ARHGAP28: variants seen among roughly 807,000 people sequenced by gnomAD.
ARHGAP28 encodes Rho GTPase activating protein 28.
In ARHGAP28, 56 loss-of-function variants were observed where a neutral mutation model predicts 90.7. The observed-to-expected ratio is 0.62, with a 90% CI of 0.50 to 0.77. The LOEUF is 0.77. ARHGAP28 is among the 30% of genes least tolerant of loss of function. ARHGAP28 has a pLI of 0.00. For synonymous variants in ARHGAP28, 308 were observed against 323.3 expected (o/e 0.95, Z 0.51); for missense variants, 869 against 900.9 (o/e 0.96, Z 0.45).
chr18:6,861,336 C>T (rs2056996884), intron 5 of ARHGAP28, among the ~76,000 whole-genome samples: 1 of 152,210 alleles, frequency 6.6e-6, no homozygotes, highest in Non-Finnish European at 1.5e-5. Context: ...TCTCTCAGTA[C>T]AGAAACTCAT....
chr18:6,773,202 C>A (rs2056257612), intron 1 of ARHGAP28, among the ~76,000 whole-genome samples: 1 of 152,098 alleles, frequency 6.6e-6, no homozygotes, highest in African/African-American at 2.4e-5. Flanking sequence ...AGGAACAGTT[C>A]TTGGCACTGG....
chr18:6,729,857 C>A lies in ARHGAP28; in HGVS notation c.36C>A (p.Thr12=), dbSNP rs1179032999. The change falls in exon 1 of 18, where the codon ACC becomes ACA. Residue 12 remains threonine (T), a synonymous_variant. Transcript: ENST00000383472. ...AGGACTCGGGCGGCGTGGTGCTGAC[C>A]GCCTACCACTCGTACGCGCGCGCCC... is the stretch of plus-strand genomic sequence containing the variant. ...EVEDSGGVVL[T]AYHSYARAQP... The A allele has an allele frequency of 3.5e-6, 5 of 1,434,478 alleles. No homozygotes were observed. The highest frequency in any genetic ancestry group is 3.1e-5 in the East Asian group (1 of 32,696). 88.9% of individuals were successfully genotyped at this position (1,434,478 alleles called of 1,614,324 possible). A position where few individuals can be genotyped will look rare whatever the true frequency, so the allele number is the denominator to read the frequency against.
intron 1 of ARHGAP28, among the ~76,000 whole-genome samples, chr18:6,753,868 A>G (rs955379556): frequency 2.6e-5 from 4 of 152,200 alleles, no homozygotes; most frequent in Non-Finnish European, 5.9e-5. Context: ...TGAAATTCTT[A>G]AAGGAATCTA....
chr18:6,827,077 G>C (rs1456858278), intron 2 of ARHGAP28, among the ~76,000 whole-genome samples: 1 of 152,130 alleles, frequency 6.6e-6, no homozygotes, highest in African/African-American at 2.4e-5. Flanking sequence ...AAAGTCTCCC[G>C]TGTCTACCTC....
At chr18:6,741,505 A>C (rs1177157264) in intron 1 of ARHGAP28, among the ~76,000 whole-genome samples, 1 of 152,222 alleles carries the variant, frequency 6.6e-6, no homozygotes, top group Non-Finnish European at 1.5e-5. Flanking sequence ...ATCCCACACC[A>C]GCTAAAATAA....
intron 1 of ARHGAP28, among the ~76,000 whole-genome samples, chr18:6,769,439 C>A (rs2056225200): frequency 1.3e-5 from 2 of 152,146 alleles, no homozygotes; most frequent in African/African-American, 4.8e-5. Flanking sequence ...TTAAATAATT[C>A]TTTAATCTTT....
intron 1 of ARHGAP28, among the ~76,000 whole-genome samples, chr18:6,754,155 C>A (rs1201152053): frequency 1.3e-5 from 2 of 152,172 alleles, no homozygotes; most frequent in Non-Finnish European, 2.9e-5. Flanking sequence ...TGTGACTCTG[C>A]AGCTGTAATT....
chr18:6,786,266 T>G (rs909188679), intron 1 of ARHGAP28, among the ~76,000 whole-genome samples: 2 of 152,232 alleles, frequency 1.3e-5, no homozygotes, highest in Non-Finnish European at 2.9e-5. Context: ...TTCTATTTTA[T>G]TTTTCCTTTT....
rs2057406852 is a variant in ARHGAP28, at chr18:6,912,962, A to G, written c.*808A>G. 1 of 152,200 alleles carries G rather than the reference A, an allele frequency of 6.6e-6. No homozygotes were observed. Among genetic ancestry groups the G allele is most frequent in the African/African-American group, 2.4e-5 (1 of 41,440 alleles). The allele number at this position is 152,200 out of a possible 1,614,324, so 9.4% of individuals were successfully genotyped here. ...TCTCATTACGGTTATGATGCTCAGTATCTTTCCAAGTGCCAGGCACGGGCT... is the reference window on the plus strand; with the variant it reads ...TCTCATTACGGTTATGATGCTCAGTGTCTTTCCAAGTGCCAGGCACGGGCT... On this transcript the variant is annotated 3_prime_UTR_variant, in exon 18 of 18. Transcript: ENST00000383472.
At chr18:6,776,140 C>T (rs1357898478) in intron 1 of ARHGAP28, among the ~76,000 whole-genome samples, 1 of 151,976 alleles carries the variant, frequency 6.6e-6, no homozygotes, top group Admixed American at 6.5e-5. Flanking sequence ...AACAATATAG[C>T]CCCTGAGATG....
intron 17 of ARHGAP28, among the ~76,000 whole-genome samples, chr18:6,911,166 T>C (rs2057396933): frequency 6.6e-6 from 1 of 152,148 alleles, no homozygotes; most frequent in South Asian, 2.1e-4. Context: ...GACTTCAGCA[T>C]ACATTTCAAG....
At chr18:6,789,743 T>C (rs926502854) in intron 1 of ARHGAP28, 4 of 152,160 alleles carry the variant, frequency 2.6e-5, no homozygotes, top group African/African-American at 9.7e-5. Context: ...ATAAAGACAC[T>C]CTATTAGTAT....
chr18:6,776,272 G>A (rs2056282579), intron 1 of ARHGAP28, among the ~76,000 whole-genome samples: 1 of 152,186 alleles, frequency 6.6e-6, no homozygotes, highest in East Asian at 1.9e-4. Context: ...CAGATGAGCC[G>A]AGTGCAGGAA....
At chr18:6,813,470 A>G (rs1172328494) in intron 1 of ARHGAP28, among the ~76,000 whole-genome samples, 1 of 152,190 alleles carries the variant, frequency 6.6e-6, no homozygotes, top group Non-Finnish European at 1.5e-5. Flanking sequence ...AAACATCCAT[A>G]TATTTTATGA....
At chr18:6,734,913 T>C (rs896841454) in intron 1 of ARHGAP28, among the ~76,000 whole-genome samples, 12 of 152,204 alleles carry the variant, frequency 7.9e-5, no homozygotes, top group African/African-American at 2.9e-4. Flanking sequence ...CTTTTTACAG[T>C]GGGATCCCTG....
intron 1 of ARHGAP28, among the ~76,000 whole-genome samples, chr18:6,752,473 CT>C (rs1269693481): frequency 6.6e-6 from 1 of 152,178 alleles, no homozygotes; most frequent in Admixed American, 6.5e-5. Flanking sequence ...TTCTTACAAG[CT>C]TTTTCTTGGT....
At chr18:6,846,107 C>T (rs531435706) in intron 3 of ARHGAP28, among the ~76,000 whole-genome samples, 2 of 152,302 alleles carry the variant, frequency 1.3e-5, no homozygotes, top group Admixed American at 1.3e-4. Flanking sequence ...CGGGGGTTTG[C>T]TGACACCTGC....
At chr18:6,771,409 T>C (rs2056241816) in intron 1 of ARHGAP28, among the ~76,000 whole-genome samples, 1 of 152,102 alleles carries the variant, frequency 6.6e-6, no homozygotes, top group African/African-American at 2.4e-5. Flanking sequence ...TCTTGTCCTC[T>C]CTAAAATGTG....
intron 4 of ARHGAP28, among the ~76,000 whole-genome samples, chr18:6,856,150 G>A (rs1039384814): frequency 1.3e-5 from 2 of 152,212 alleles, no homozygotes; most frequent in African/African-American, 4.8e-5. Context: ...AGGATTCTGT[G>A]AAATTAGCTC....
Sources: allele counts gnomAD v4.1 joint callset (sites outside exome capture counted in the v4.1 genomes callset), GRCh38; gene constraint gnomAD v4.1.1; transcripts MANE v1.5; gene names NCBI Gene and HGNC (gene_info 2026-07-23, HGNC 2026-07-21).